SNTB1: variants seen among roughly 807,000 people sequenced by gnomAD.
SNTB1 encodes beta-1-syntrophin.
Under a neutral mutation model 48.9 loss-of-function variants are expected in SNTB1, and 36 were observed. The observed-to-expected ratio is 0.74, with a 90% CI of 0.56 to 0.97. The LOEUF (loss-of-function observed/expected upper bound fraction) is 0.97, where lower values mean the gene tolerates loss of function less well. Among genes scored for constraint, SNTB1 ranks in the 50% least tolerant of loss-of-function variants. The pLI, the probability that SNTB1 is intolerant of heterozygous loss-of-function variation, is 0.00. For synonymous variants in SNTB1, 299 were observed against 294.6 expected, an observed-to-expected ratio of 1.01 and a Z score of -0.15; for missense variants, 786 against 703.4, an observed-to-expected ratio of 1.12 and a Z score of -1.33.
At chr8:120,603,451 C>CT (rs1234963801) in intron 3 of SNTB1, among the ~76,000 whole-genome samples, 2 of 152,140 alleles carry the variant, frequency 1.3e-5, no homozygotes, top group African/African-American at 2.4e-5. Flanking sequence ...CTTTTCCTTT[C>CT]TTTTTTTGAC....
chr8:120,700,591 G>C (rs911089607), intron 1 of SNTB1, among the ~76,000 whole-genome samples: 3 of 152,154 alleles, frequency 2.0e-5, no homozygotes, highest in Non-Finnish European at 4.4e-5. Flanking sequence ...GGGGCGGAGA[G>C]GAGTCAGAGG....
At chr8:120,722,156 G>C (rs1818672053) in intron 1 of SNTB1, among the ~76,000 whole-genome samples, 1 of 152,108 alleles carries the variant, frequency 6.6e-6, no homozygotes, top group Non-Finnish European at 1.5e-5. Context: ...CATTTGGGTT[G>C]GTTCTGTGAA....
chr8:120,560,773 G>A (rs1400065135), intron 4 of SNTB1, among the ~76,000 whole-genome samples: 3 of 152,164 alleles, frequency 2.0e-5, no homozygotes, highest in African/African-American at 7.2e-5. Context: ...ACAGAGAAAA[G>A]CGGATGTTCA....
chr8:120,619,032 T>C (rs72680599), intron 3 of SNTB1, among the ~76,000 whole-genome samples: 36,501 of 152,094 alleles, frequency 0.24, 4,539 homozygotes, highest in African/African-American at 0.3. Context: ...ATCTATGGGT[T>C]AGTTTCTACT....
intron 3 of SNTB1, among the ~76,000 whole-genome samples, chr8:120,577,503 AG>A (rs1273052967): frequency 1.3e-5 from 2 of 152,114 alleles, no homozygotes; most frequent in Non-Finnish European, 2.9e-5. Flanking sequence ...GGTAGGGGGA[AG>A]GGGGTTCAGA....
chr8:120,552,353 A>G (rs1405945498), intron 4 of SNTB1, among the ~76,000 whole-genome samples: 1 of 152,116 alleles, frequency 6.6e-6, no homozygotes, highest in Non-Finnish European at 1.5e-5. Context: ...TGTGTTCGAG[A>G]AGTAATAATG....
intron 3 of SNTB1, among the ~76,000 whole-genome samples, chr8:120,612,641 C>T (rs1816644130): frequency 6.6e-6 from 1 of 152,144 alleles, no homozygotes; most frequent in Non-Finnish European, 1.5e-5. Flanking sequence ...GCAACCTCCG[C>T]CTCCTGGGTT....
chr8:120,700,350 GA>G (rs1455934425), intron 1 of SNTB1, among the ~76,000 whole-genome samples: 12 of 152,266 alleles, frequency 7.9e-5, no homozygotes, highest in Admixed American at 5.9e-4. Flanking sequence ...ATTCATAATA[GA>G]GGGTTTAACC....
intron 2 of SNTB1, among the ~76,000 whole-genome samples, chr8:120,651,563 T>G (rs1432721697): frequency 6.6e-6 from 1 of 152,232 alleles, no homozygotes; most frequent in Non-Finnish European, 1.5e-5. Context: ...GGTTTCATTT[T>G]TTTAGTAGGT....
At chr8:120,558,688 C>T (rs956223661) in intron 4 of SNTB1, among the ~76,000 whole-genome samples, 1 of 152,168 alleles carries the variant, frequency 6.6e-6, no homozygotes, top group African/African-American at 2.4e-5. Context: ...CATTATGTGA[C>T]CTTGGCAAGT....
chr8:120,662,242 T>G (rs573444349), intron 2 of SNTB1, among the ~76,000 whole-genome samples: 1 of 152,338 alleles, frequency 6.6e-6, no homozygotes, highest in Non-Finnish European at 1.5e-5. Context: ...TAAATTGTCA[T>G]GCAATTCTGC....
intron 1 of SNTB1, chr8:120,761,378 C>T (rs1434125528): frequency 2.0e-5 from 3 of 152,182 alleles, no homozygotes; most frequent in African/African-American, 4.8e-5. Context: ...AGATGGTAAG[C>T]TGGAATTGAC....
At chr8:120,546,921 C>G (rs1351418632) in intron 5 of SNTB1, among the ~76,000 whole-genome samples, 1 of 152,208 alleles carries the variant, frequency 6.6e-6, no homozygotes, top group African/African-American at 2.4e-5. Flanking sequence ...CTGAGCAGAA[C>G]TGATTTTTGT....
At chr8:120,621,158 C>A (rs1417090596) in intron 3 of SNTB1, among the ~76,000 whole-genome samples, 1 of 151,928 alleles carries the variant, frequency 6.6e-6, no homozygotes, top group Non-Finnish European at 1.5e-5. Flanking sequence ...CGAGGTTTCA[C>A]AGTGTTGGCC....
chr8:120,762,288 C>T (rs1819434419), intron 1 of SNTB1, among the ~76,000 whole-genome samples: 1 of 152,204 alleles, frequency 6.6e-6, no homozygotes, highest in African/African-American at 2.4e-5. Context: ...CTGACAAAGG[C>T]CCTGCTGTTT....
At chr8:120,754,116 T>G (rs1197836942) in intron 1 of SNTB1, among the ~76,000 whole-genome samples, 1 of 152,170 alleles carries the variant, frequency 6.6e-6, no homozygotes, top group Non-Finnish European at 1.5e-5. Context: ...TTTGAAACTA[T>G]AAATACATGG....
chr8:120,702,015 C>T (rs898690855), intron 1 of SNTB1, among the ~76,000 whole-genome samples: 2 of 152,168 alleles, frequency 1.3e-5, no homozygotes, highest in African/African-American at 4.8e-5. Context: ...GGCAATGGAC[C>T]CACAGAAAGT....
chr8:120,663,713 G>A (rs1817628919), intron 2 of SNTB1, among the ~76,000 whole-genome samples: 4 of 152,060 alleles, frequency 2.6e-5, no homozygotes, highest in Admixed American at 2.6e-4. Context: ...TATTCAAGCA[G>A]AGTGACCTGA....
intron 2 of SNTB1, among the ~76,000 whole-genome samples, chr8:120,683,560 G>A (rs1387808454): frequency 6.6e-6 from 1 of 152,168 alleles, no homozygotes; most frequent in East Asian, 1.9e-4. Context: ...GTGGTGTGGT[G>A]ACTGCAGTGG....
Sources: gnomAD v4.1 joint callset for allele counts (sites outside exome capture counted in the v4.1 genomes callset) on GRCh38, gnomAD v4.1.1 for gene constraint, MANE v1.5 for transcripts, NCBI Gene and HGNC (gene_info 2026-07-23, HGNC 2026-07-21) for gene names.